ESRRG: variants seen among roughly 807,000 people sequenced by gnomAD.
The protein encoded by ESRRG is estrogen-related receptor gamma.
A neutral mutation model predicts 44.0 loss-of-function variants in ESRRG; 13 were observed. The observed-to-expected ratio is 0.30, with a 90% CI of 0.19 to 0.47. The LOEUF (loss-of-function observed/expected upper bound fraction) is 0.47. Among genes scored for constraint, ESRRG ranks in the 20% least tolerant of loss-of-function variants. ESRRG has a pLI of 1.00. For synonymous variants in ESRRG, 215 were observed against 214.6 expected (o/e 1.00, Z -0.02); for missense variants, 395 against 580.6 (o/e 0.68, Z 3.29).
intron 5 of ESRRG, among the ~76,000 whole-genome samples, chr1:216,540,598 G>C (rs914684578): frequency 2.6e-5 from 4 of 151,916 alleles, no homozygotes; most frequent in African/African-American, 9.7e-5. Flanking sequence ...GTATTTACAA[G>C]TAACATGGCC....
intron 2 of ESRRG, among the ~76,000 whole-genome samples, chr1:216,839,390 G>A (rs1394515070): frequency 6.6e-6 from 1 of 152,036 alleles, no homozygotes; most frequent in Non-Finnish European, 1.5e-5. Context: ...CATTAATGAG[G>A]GTTGGAATCA....
At chr1:216,846,185 C>G (rs1014423243) in intron 2 of ESRRG, among the ~76,000 whole-genome samples, 1 of 152,100 alleles carries the variant, frequency 6.6e-6, no homozygotes, top group Non-Finnish European at 1.5e-5. Context: ...ATATCGTACA[C>G]TATATTTAGT....
intron 2 of ESRRG, among the ~76,000 whole-genome samples, chr1:216,816,967 C>T (rs566962694): frequency 1.4e-3 from 216 of 152,178 alleles, no homozygotes; most frequent in African/African-American, 5.0e-3. Context: ...AAAACACTGA[C>T]CGCCTTCTTT....
At chr1:216,833,073 T>TA (rs2148770359) in intron 2 of ESRRG, among the ~76,000 whole-genome samples, 1 of 152,258 alleles carries the variant, frequency 6.6e-6, no homozygotes, top group East Asian at 1.9e-4. Context: ...TTAGGAGAAT[T>TA]ACAGCAGTAC....
intron 2 of ESRRG, among the ~76,000 whole-genome samples, chr1:216,929,871 A>G (rs11572504): frequency 0.079 from 12,055 of 152,202 alleles, 578 homozygotes; most frequent in Non-Finnish European, 0.092. Flanking sequence ...TCCAAGCACA[A>G]CTGCCATGCC....
At chr1:216,531,328 G>T (rs1461002420) in intron 5 of ESRRG, among the ~76,000 whole-genome samples, 1 of 152,038 alleles carries the variant, frequency 6.6e-6, no homozygotes, top group African/African-American at 2.4e-5. Flanking sequence ...TTAAAGTCAG[G>T]CTCCCACACT....
intron 1 of ESRRG, among the ~76,000 whole-genome samples, chr1:217,009,637 C>T (rs2078247046): frequency 6.6e-6 from 1 of 151,912 alleles, no homozygotes; most frequent in South Asian, 2.1e-4. Context: ...ACTGGGAGTG[C>T]CAGACCTCTA....
At chr1:217,108,261 G>A (rs1039271749) in intron 1 of ESRRG, among the ~76,000 whole-genome samples, 1 of 152,028 alleles carries the variant, frequency 6.6e-6, no homozygotes, top group Admixed American at 6.6e-5. Flanking sequence ...TCTTCTTAAT[G>A]CTACCTCCTT....
chr1:216,957,682 C>G (rs1203000859), intron 1 of ESRRG, among the ~76,000 whole-genome samples: 1 of 152,280 alleles, frequency 6.6e-6, no homozygotes, highest in Non-Finnish European at 1.5e-5. Context: ...ACCAGGGCAA[C>G]AGCATCCCGA....
chr1:216,555,385 T>C (rs1161514388), intron 5 of ESRRG, among the ~76,000 whole-genome samples: 1 of 152,196 alleles, frequency 6.6e-6, no homozygotes, highest in East Asian at 1.9e-4. Context: ...GAATATTTCT[T>C]TTCCAAAATA....
At chr1:216,878,185 C>T (rs2096386839) in intron 2 of ESRRG, among the ~76,000 whole-genome samples, 1 of 152,118 alleles carries the variant, frequency 6.6e-6, no homozygotes, top group Non-Finnish European at 1.5e-5. Flanking sequence ...TGAGTTTAAG[C>T]CCTAACTATG....
chr1:216,617,597 T>C (rs2061593033), intron 3 of ESRRG, among the ~76,000 whole-genome samples: 1 of 152,132 alleles, frequency 6.6e-6, no homozygotes, highest in South Asian at 2.1e-4. Context: ...ATTTGAACAT[T>C]CTGCAATGAT....
intron 3 of ESRRG, among the ~76,000 whole-genome samples, chr1:216,648,969 T>C (rs1300610350): frequency 1.3e-5 from 2 of 152,152 alleles, no homozygotes; most frequent in African/African-American, 4.8e-5. Flanking sequence ...TCACTGATCA[T>C]TAACTTTCAG....
At chr1:216,668,594 A>G (rs1364953292) in intron 2 of ESRRG, among the ~76,000 whole-genome samples, 1 of 152,192 alleles carries the variant, frequency 6.6e-6, no homozygotes, top group East Asian at 1.9e-4. Flanking sequence ...ACCATGAAAT[A>G]CAATCTCTGA....
intron 1 of ESRRG, among the ~76,000 whole-genome samples, chr1:217,053,222 A>C (rs2086417318): frequency 1.3e-5 from 2 of 151,634 alleles, no homozygotes; most frequent in African/African-American, 4.8e-5. Flanking sequence ...TGTGAGGCTG[A>C]GGCAGATAGA....
At chr1:217,060,579 T>G (rs1308100593) in intron 1 of ESRRG, among the ~76,000 whole-genome samples, 1 of 152,032 alleles carries the variant, frequency 6.6e-6, no homozygotes, top group Non-Finnish European at 1.5e-5. Context: ...GAGTGATGGG[T>G]TGGTGCCACG....
chr1:216,950,335 G>A (rs1450203714), intron 1 of ESRRG, among the ~76,000 whole-genome samples: 1 of 152,048 alleles, frequency 6.6e-6, no homozygotes, highest in African/African-American at 2.4e-5. Flanking sequence ...ATGTAAAGTA[G>A]GAACACCTAG....
At chr1:216,673,023 G>T (rs2075479605) in intron 2 of ESRRG, among the ~76,000 whole-genome samples, 1 of 152,166 alleles carries the variant, frequency 6.6e-6, no homozygotes, top group African/African-American at 2.4e-5. Flanking sequence ...GTCCATTGGG[G>T]CTCTAGTCTA....
chr1:216,844,820 C>T (rs937440798), intron 2 of ESRRG, among the ~76,000 whole-genome samples: 1 of 151,648 alleles, frequency 6.6e-6, no homozygotes, highest in Non-Finnish European at 1.5e-5. Flanking sequence ...AATATATGCA[C>T]CACACACACA....
Sources: allele counts gnomAD v4.1 joint callset (sites outside exome capture counted in the v4.1 genomes callset), GRCh38; gene constraint gnomAD v4.1.1; transcripts MANE v1.5; gene names NCBI Gene and HGNC (gene_info 2026-07-23, HGNC 2026-07-21).